Variants in EPHX2 observed in about 807,000 individuals in gnomAD.
The protein encoded by EPHX2 is epoxide hydrolase 2, also known as bifunctional epoxide hydrolase 2.
In EPHX2, 74 loss-of-function variants were observed where a neutral mutation model predicts 78.7. The observed-to-expected ratio is 0.94, with a 90% confidence interval of 0.78 to 1.14. The LOEUF (loss-of-function observed/expected upper bound fraction) is 1.14, where lower values mean the gene tolerates loss of function less well. EPHX2 is among the 50% of genes most tolerant of loss of function. EPHX2 has a pLI of 0.00. For synonymous variants in EPHX2, 251 were observed against 255.2 expected, an observed-to-expected ratio of 0.98 and a Z score of 0.16; for missense variants, 715 against 702.5, an observed-to-expected ratio of 1.02 and a Z score of -0.20.
intron 3 of EPHX2, 63 bp downstream of exon 3, chr8:27,503,826 C>G: frequency 6.5e-7 from 1 of 1,544,754 alleles, no homozygotes; most frequent in Non-Finnish European, 8.7e-7. Flanking sequence ...AGCATTAGGT[C>G]AGAATCCATT....
At chr8:27,502,197 CTCTTTTGCGTCTGGCA>C (rs1249485830) in intron 2 of EPHX2, among the ~76,000 whole-genome samples, 3 of 152,204 alleles carry the variant, frequency 2.0e-5, no homozygotes, top group African/African-American at 7.2e-5. Context: ...TGCACATCAG[CTCTTTTGCGTCTGGCA>C]TCTTTTGCTC....
In EPHX2 at chr8:27,522,441, T is replaced by C; in HGVS notation, c.991T>C (p.Phe331Leu). ...TCTCTAGGGCCTCTCTCAAGCAGTG[T>C]TCATTGGCCATGACTGGGGTGGCAT... Reference protein sequence around the residue: ...LDKLGLSQAVFIGHDWGGMLV... With the variant: ...LDKLGLSQAVLIGHDWGGMLV... The change falls in exon 11 of 19, where the codon TTC (phenylalanine) becomes CTC (leucine). Residue 331 changes from phenylalanine (F) to leucine (L), a missense_variant. By Grantham distance (22) the Phe-to-Leu change is conservative. Transcript: ENST00000521400. The C allele has an allele frequency of 6.2e-7, 1 of 1,614,066 alleles. No individual in the cohort carries two copies. The highest frequency in any genetic ancestry group is 1.1e-5 in the South Asian group (1 of 91,058).
chr8:27,498,805 G>A (rs1158659781), intron 1 of EPHX2, among the ~76,000 whole-genome samples: 1 of 152,186 alleles, frequency 6.6e-6, no homozygotes, highest in Non-Finnish European at 1.5e-5. Context: ...TTGGAATGTG[G>A]TGATGCTTAC....
intron 5 of EPHX2, among the ~76,000 whole-genome samples, chr8:27,511,404 A>G (rs1436973702): frequency 2.0e-5 from 3 of 152,240 alleles, no homozygotes; most frequent in Non-Finnish European, 2.9e-5. Flanking sequence ...TCTTGCTTAT[A>G]TGGAGTTCAG....
intron 12 of EPHX2, among the ~76,000 whole-genome samples, chr8:27,533,349 G>T (rs1009295633): frequency 6.6e-6 from 1 of 152,192 alleles, no homozygotes. Context: ...ACTTCTGTGC[G>T]CAGGAACACA....
downstream of EPHX2, among the ~76,000 whole-genome samples, chr8:27,547,192 A>G (rs1194209071): frequency 6.6e-6 from 1 of 152,216 alleles, no homozygotes; most frequent in African/African-American, 2.4e-5. Flanking sequence ...ATCAAGGGCC[A>G]TAAAGGACAG....
At chr8:27,523,387 G>A (rs1281343575) in intron 11 of EPHX2, among the ~76,000 whole-genome samples, 2 of 152,202 alleles carry the variant, frequency 1.3e-5, no homozygotes, top group African/African-American at 2.4e-5. Context: ...CAGATGGCAG[G>A]TTTTGGGCCC....
intron 16 of EPHX2, among the ~76,000 whole-genome samples, 169 bp downstream of exon 16, chr8:27,541,711 A>G (rs1360236034): frequency 6.6e-6 from 1 of 152,094 alleles, no homozygotes; most frequent in African/African-American, 2.4e-5. Context: ...GGGTTTCCCT[A>G]GGATCTTTCT....
intron 1 of EPHX2, among the ~76,000 whole-genome samples, chr8:27,492,345 CAAAAAT>C (rs1211117309): frequency 6.6e-6 from 1 of 152,074 alleles, no homozygotes; most frequent in Non-Finnish European, 1.5e-5. Flanking sequence ...CCTGTCTCTC[CAAAAAT>C]AAAAATAAAA....
intron 11 of EPHX2, among the ~76,000 whole-genome samples, chr8:27,524,859 TATTAA>T (rs993128503): frequency 5.3e-5 from 8 of 152,366 alleles, no homozygotes; most frequent in African/African-American, 1.7e-4. Context: ...TATTTTTCCT[TATTAA>T]ATTATAATGA....
At position 27,505,146 on chromosome 8, in the gene EPHX2, G is replaced by A. The variant is rs543103524; in HGVS notation, c.537G>A (p.Glu179=). ...LLDTLKASPS[E]VVFLDDIGAN... is the part of the protein sequence containing the mutation. ...ACACCCTGAAGGCCAGCCCCAGTGAGGTACGGAGACACTTCCTTATGGCAG... is the reference window on the plus strand; with the variant it reads ...ACACCCTGAAGGCCAGCCCCAGTGAAGTACGGAGACACTTCCTTATGGCAG... The change falls in exon 4 of 19, where the codon GAG becomes GAA. Residue 179 remains glutamate (E), a splice_region_variant and synonymous_variant. Transcript: ENST00000521400. The A allele has an allele frequency of 1.7e-5, 27 of 1,614,000 alleles. No individual in the cohort carries two copies. Among genetic ancestry groups the A allele is most frequent in the African/African-American group, 1.3e-4 (10 of 75,014 alleles).
chr8:27,505,162 C>A lies in EPHX2; in HGVS notation c.537+16C>A, dbSNP rs775644820. 1.2e-6 allele frequency: 2 copies of A among 1,613,152 alleles called. No homozygotes were observed. Among genetic ancestry groups the A allele is most frequent in the Non-Finnish European group, 1.7e-6 (2 of 1,179,486 alleles). On this transcript the variant is annotated intron_variant, in intron 4 of 18. Transcript: ENST00000521400. ...CCCCAGTGAGGTACGGAGACACTTC[C>A]TTATGGCAGAGAAGGATGTTCAGAG...
At chr8:27,516,917 C>CTT (rs145423911) in intron 8 of EPHX2, among the ~76,000 whole-genome samples, 14,163 of 143,588 alleles carry the variant, frequency 0.099, 957 homozygotes, top group African/African-American at 0.15. Context: ...AATTTCCTTC[C>CTT]TATTTTTTTT....
intron 10 of EPHX2, 92 bp downstream of exon 10, chr8:27,521,001 G>A (rs1006079555): frequency 2.0e-5 from 31 of 1,514,442 alleles, no homozygotes; most frequent in Admixed American, 3.4e-5. Context: ...AGAGGTGCAC[G>A]GGCAGGGAGG....
chr8:27,510,084 G>T (rs1814181325), intron 5 of EPHX2, among the ~76,000 whole-genome samples: 1 of 152,196 alleles, frequency 6.6e-6, no homozygotes, highest in Admixed American at 6.5e-5. Context: ...GTCTTCTCCA[G>T]ATGCCATGGA....
intron 1 of EPHX2, among the ~76,000 whole-genome samples, chr8:27,494,534 G>T (rs527423466): frequency 6.6e-6 from 1 of 152,330 alleles, no homozygotes; most frequent in East Asian, 1.9e-4. Context: ...ATTTGCAAAG[G>T]TATCAACACA....
chr8:27,510,027 G>A (rs907297341), intron 5 of EPHX2, among the ~76,000 whole-genome samples: 5 of 152,194 alleles, frequency 3.3e-5, no homozygotes, highest in Admixed American at 6.5e-5. Flanking sequence ...GCCATCAGGA[G>A]ACAGCAGCCT....
At chr8:27,546,128 CAAAAA>C (rs368341959), downstream of EPHX2, among the ~76,000 whole-genome samples, 4 of 86,848 alleles carry the variant, frequency 4.6e-5, no homozygotes, top group South Asian at 4.0e-4. Flanking sequence ...GACTCCGACT[CAAAAA>C]AAAAAAAAAA....
chr8:27,525,306 T>C, intron 11 of EPHX2, 56 bp from the exon 12 acceptor site: 3 of 1,522,560 alleles, frequency 2.0e-6, no homozygotes, highest in Non-Finnish European at 2.7e-6. Context: ...CCTTTCTGGC[T>C]CTTGTAAGAC....
Sources: allele counts gnomAD v4.1 joint callset (sites outside exome capture counted in the v4.1 genomes callset), GRCh38; gene constraint gnomAD v4.1.1; transcripts MANE v1.5; gene names NCBI Gene and HGNC (gene_info 2026-07-23, HGNC 2026-07-21).